Variants in SCARF2 observed in about 807,000 individuals in gnomAD.
SCARF2 encodes the protein scavenger receptor class F member 2, also known as scavenger receptor expressed by endothelial cells 2 protein.
SCARF2 carries 39 observed loss-of-function variants against 73.4 expected under a neutral mutation model. That is an observed-to-expected ratio of 0.53 (90% CI 0.41 to 0.69). SCARF2 has a LOEUF of 0.69. Ranked by LOEUF, SCARF2 falls within the 30% of genes least tolerant of loss-of-function variation. The pLI, the probability that SCARF2 is intolerant of heterozygous loss-of-function variation, is 0.00. For missense variants in SCARF2, 1,148 were observed against 1,303.5 expected (o/e 0.88, Z 1.84); for synonymous variants, 605 against 590.0 (o/e 1.03, Z -0.37).
At chr22:20,436,669 G>A (rs965113222) in intron 1 of SCARF2, among the ~76,000 whole-genome samples, 2 of 152,142 alleles carry the variant, frequency 1.3e-5, no homozygotes, top group African/African-American at 4.8e-5. Flanking sequence ...CCGCCTCTGC[G>A]GCTGCCAGCC....
At chr22:20,434,262 C>T (rs937762543) in intron 1 of SCARF2, among the ~76,000 whole-genome samples, 15 of 152,214 alleles carry the variant, frequency 9.9e-5, no homozygotes, top group Middle Eastern at 6.8e-3. Context: ...CCACTGCTCT[C>T]CAGCCTGGGC....
Position 20,431,069 on chromosome 22 carries a change from T to G in SCARF2, c.803A>C (p.Tyr268Ser). The G allele has an allele frequency of 6.4e-7, 1 of 1,552,954 alleles. No homozygotes were observed. Among genetic ancestry groups the G allele is most frequent in the Non-Finnish European group, 8.6e-7 (1 of 1,156,864 alleles). Reference protein sequence around the residue: ...CACEPGYRGKYCREPCPAGFY... With the variant: ...CACEPGYRGKSCREPCPAGFY... ...GCCGGCGGGGCACGGCTCGCGACAG[T>G]ACTTGCCGCGGTAGCCCGGCTCGCA... The change falls in exon 4 of 11, where the codon TAC (tyrosine) becomes TCC (serine). Residue 268 changes from tyrosine (Y) to serine (S), a missense_variant. Physicochemically the swap from Tyr to Ser is moderately radical, Grantham distance 144. Transcript: ENST00000622235.
At position 20,430,536 on chromosome 22, in the gene SCARF2, A is replaced by G. The variant is rs755344052; in HGVS notation, c.1095T>C (p.Asn365=). 3.7e-6 allele frequency: 6 copies of G among 1,610,862 alleles called. No individual in the cohort carries two copies. The Admixed American group carries it at 6.7e-5, about 18-fold the overall frequency. Residue 365 remains asparagine (N), a synonymous_variant, in exon 6 of 11, where the codon AAT becomes AAC. Coordinates refer to ENST00000622235, the MANE Select transcript of SCARF2 (RefSeq NM_182895.5). ...IGDRCETKCS[N]GTYGEDCAFV... Reference sequence around the variant, plus strand: ...AGGCGCAGTCCTCGCCGTAAGTGCCATTGCTACACTTGGTCTCGCACCTTG... The same window carrying G: ...AGGCGCAGTCCTCGCCGTAAGTGCCGTTGCTACACTTGGTCTCGCACCTTG...
rs560269419 is a variant in SCARF2 at position 20,434,044 on chromosome 22, G to A, written c.174-2056C>T. ...TTGATGTCTGGGTTTGCCACTTGCT[G>A]TGTGACCTCAGGCATGCAGCTTAAG... On this transcript the variant is annotated intron_variant, in intron 1 of 10. Transcript: ENST00000622235. Among the ~76,000 whole-genome samples, 3 of 152,372 alleles carry A rather than the reference G, an allele frequency of 2.0e-5. No homozygotes were observed. In the South Asian group the frequency reaches 6.2e-4, roughly 32 times the overall value.
chr22:20,429,550 C>T lies in SCARF2; in HGVS notation c.1410G>A (p.Lys470=), dbSNP rs1422273367. Residue 470 remains lysine (K), a synonymous_variant, in exon 8 of 11, where the codon AAG becomes AAA. Coordinates refer to ENST00000622235, the MANE Select transcript of SCARF2 (RefSeq NM_182895.5). The surrounding 1 kb of genome is among the most constrained non-coding windows in gnomAD (Gnocchi z 5.2). ...TCTGGGCTCACCGGCGCGTAGGGTC[C>T]TTGCCGCGGCAAGCGCAGCAGCAGC... ...LLGCCCACRG[K]DPTRRELSLG... is the part of the protein sequence containing the mutation. 1 of 1,612,994 alleles carries T rather than the reference C, an allele frequency of 6.2e-7. No individual in the cohort carries two copies. The highest frequency in any genetic ancestry group is 2.2e-5 in the East Asian group (1 of 44,870).
At chr22:20,430,946 C>T (rs769345313) in intron 4 of SCARF2, 38 bp from the exon 5 acceptor site, 1 of 1,563,068 alleles carries the variant, frequency 6.4e-7, no homozygotes, top group South Asian at 1.1e-5. Flanking sequence ...GGCTGGGACC[C>T]GCCTCACCCC....
chr22:20,425,438 C>T lies in SCARF2; in HGVS notation c.2538G>A (p.Pro846=), dbSNP rs758888141. 112 of 1,427,030 alleles carry T rather than the reference C, an allele frequency of 7.8e-5. No individual in the cohort carries two copies. The highest frequency in any genetic ancestry group is 2.7e-4 in the Admixed American group (11 of 41,148). 88.4% of individuals were successfully genotyped at this position (1,427,030 alleles called of 1,614,324 possible). The change falls in exon 11 of 11, where the codon CCG becomes CCA. Residue 846 remains proline (P), a synonymous_variant. Coordinates refer to ENST00000622235, the MANE Select transcript of SCARF2 (RefSeq NM_182895.5). This position sits in a 1 kb window ranked among gnomAD's most constrained non-coding sequence, Gnocchi z 4.6. ...CCGCCTCCCGGCTCTTCTTGCGCGG[C>T]GGCTTCTGGATGGGGGTCTTCTTCC... ...TPRKKTPIQK[P]PRKKSREAAG...
At position 20,429,140 on chromosome 22, in the gene SCARF2, G is replaced by A. The variant is rs765816473; in HGVS notation, c.1540+85C>T. ...TCAAGGTCCCCCATTTCCTCACTGA[G>A]ATCTGGACCCCCTCACACCCATTTC... On this transcript the variant is annotated intron_variant, in intron 9 of 10. Transcript: ENST00000622235. The surrounding 1 kb of genome is among the most constrained non-coding windows in gnomAD (Gnocchi z 5.2). 6.4e-7 allele frequency: 1 copy of A among 1,560,346 alleles called. No homozygotes were observed. The highest frequency in any genetic ancestry group is 8.8e-7 in the Non-Finnish European group (1 of 1,132,874).
chr22:20,425,544 G>T lies in SCARF2; in HGVS notation c.2432C>A (p.Ser811Ter). 1 of 1,341,510 alleles carries T rather than the reference G, an allele frequency of 7.5e-7. No homozygotes were observed. The highest frequency in any genetic ancestry group is 1.9e-5 in the South Asian group (1 of 53,408). The allele number at this position is 1,341,510 out of a possible 1,614,324, so 83.1% of individuals were successfully genotyped here. The change falls in exon 11 of 11, where the codon TCG becomes TAG. Residue 811 changes from serine (S) to a stop codon, truncating the protein, a stop_gained. Coordinates refer to ENST00000622235, the MANE Select transcript of SCARF2 (RefSeq NM_182895.5). LOFTEE classifies it high-confidence loss of function. The surrounding 1 kb of genome is among the most constrained non-coding windows in gnomAD (Gnocchi z 4.6). ...QKAKRSVPPA[S>*]PARAPPATET... ...GGTCGCTGGGGGCGCGCGGGCGGGC[G>T]AGGCTGGCGGCACGGAGCGCTTGGC... is the stretch of plus-strand genomic sequence containing the variant.
chr22:20,430,416 C>T lies in SCARF2; in HGVS notation c.1202+13G>A, dbSNP rs1344959127. On this transcript the variant is annotated intron_variant, in intron 6 of 10. Coordinates refer to ENST00000622235, the MANE Select transcript of SCARF2 (RefSeq NM_182895.5). ...ACAAGCCCCCAACCCCCTCCCGGTC[C>T]CGGGGCACTCACTGGGGCCCGTGGA... The T allele has an allele frequency of 1.3e-6, 2 of 1,584,548 alleles. No homozygotes were observed. The highest frequency in any genetic ancestry group is 3.5e-5 in the Admixed American group (2 of 56,720).
rs751985784 is a variant in SCARF2 at position 20,430,824 on chromosome 22, C to T, written c.939G>A (p.Lys313=). The change falls in exon 5 of 11, where the codon AAG becomes AAA. Residue 313 remains lysine (K), a synonymous_variant. Coordinates refer to ENST00000622235, the MANE Select transcript of SCARF2 (RefSeq NM_182895.5). ...AACCGGTGGCGCAAGGCTGGTCGCA[C>T]TTGGTTCCGTTCCAGCCGGGCTCGC... The part of the protein sequence containing the change: ...LTCEPGWNGT[K]CDQPCATGFY... 3 of 1,607,542 alleles carry T rather than the reference C, an allele frequency of 1.9e-6. No individual in the cohort carries two copies. The South Asian group carries it at 3.3e-5, about 18-fold the overall frequency.
intron 1 of SCARF2, 128 bp from the exon 2 acceptor site, chr22:20,432,116 T>A: frequency 1.1e-6 from 1 of 951,962 alleles, no homozygotes; most frequent in Non-Finnish European, 1.6e-6. Context: ...GGGGGGTGGT[T>A]AATGAGGTCC....
intron 1 of SCARF2, 38 bp from the exon 2 acceptor site, chr22:20,432,026 TC>T (rs979855483): frequency 3.8e-6 from 6 of 1,580,930 alleles, no homozygotes; most frequent in African/African-American, 2.7e-5. Context: ...CCGATGCCCC[TC>T]CCCCAGCCCC....
At chr22:20,431,576 C>G (rs992591238) in intron 3 of SCARF2, 39 bp from the exon 4 acceptor site, 11 of 1,549,808 alleles carry the variant, frequency 7.1e-6, no homozygotes, top group Non-Finnish European at 8.7e-6. Flanking sequence ...GGCCCCGGTG[C>G]TTGAGTAGGT....
In SCARF2 at chr22:20,429,717, C is replaced by T; in HGVS notation, c.1306+13G>A. ...CCCTGCATTCCTTAACGGGACGCCCCTCATCCACTTACCTAGGTGGCAGGC... is the reference window on the plus strand; with the variant it reads ...CCCTGCATTCCTTAACGGGACGCCCTTCATCCACTTACCTAGGTGGCAGGC... On this transcript the variant is annotated intron_variant, in intron 7 of 10. Coordinates refer to ENST00000622235, the MANE Select transcript of SCARF2 (RefSeq NM_182895.5). The surrounding 1 kb of genome is among the most constrained non-coding windows in gnomAD (Gnocchi z 5.2). 8 of 1,613,970 alleles carry T rather than the reference C, an allele frequency of 5.0e-6. No individual in the cohort carries two copies. Among genetic ancestry groups the T allele is most frequent in the Non-Finnish European group, 6.8e-6 (8 of 1,179,944 alleles).
In SCARF2 at chr22:20,431,973, C is replaced by G. The variant is rs1393140700; in HGVS notation, c.189G>C (p.Thr63=). ...CTTGCTGCCTCCAGCCAGCGCAGCA[C>G]GTGGGCACCTGGGAGCTGCGAGCAG... ...VCRAPGSQVP[T]CCAGWRQQGD... Residue 63 remains threonine, a synonymous_variant, in exon 2 of 11, where the codon ACG becomes ACC. Transcript: ENST00000622235. 8 of 1,611,292 alleles carry G rather than the reference C, an allele frequency of 5.0e-6. No individual in the cohort carries two copies. Among genetic ancestry groups the G allele is most frequent in the Non-Finnish European group, 6.8e-6 (8 of 1,179,582 alleles).
In SCARF2 at chr22:20,425,704, C is replaced by G. The variant is rs1188856649; in HGVS notation, c.2272G>C (p.Gly758Arg). Residue 758 changes from glycine to arginine, a missense_variant, in exon 11 of 11, where the codon GGT becomes CGT. Gly to Arg is a moderately radical substitution (Grantham distance 125). Transcript: ENST00000622235. The surrounding 1 kb of genome is among the most constrained non-coding windows in gnomAD (Gnocchi z 4.6). ...PGLLEPTDAG[G>R]PPRSAPEAAS... The stretch of plus-strand genomic sequence containing the variant: ...GCCTCGGGCGCGCTTCGCGGGGGAC[C>G]GCCGGCGTCCGTGGGCTCCAAGAGG... The G allele has an allele frequency of 4.1e-6, 5 of 1,228,412 alleles. No homozygotes were observed. In the African/African-American group the frequency reaches 4.7e-5, roughly 12 times the overall value. The allele number at this position is 1,228,412 out of a possible 1,614,324, so 76.1% of individuals were successfully genotyped here.
At position 20,437,675 on chromosome 22, in the gene SCARF2, G is replaced by T; in HGVS notation, c.80C>A (p.Ser27Ter). Residue 27 changes from serine (S) to a stop codon, truncating the protein, a stop_gained, in exon 1 of 11, where the codon TCG (serine) becomes TAG (stop). Transcript: ENST00000622235. LOFTEE classifies it high-confidence loss of function. Reference sequence around the variant, plus strand: ...CCAGAGCAGCAGCAGCAGCAGCAGCGACGGCAGCAGCGGTGACGGCGGCCC... The same window carrying T: ...CCAGAGCAGCAGCAGCAGCAGCAGCTACGGCAGCAGCGGTGACGGCGGCCC... ...AGGPPSPLLP[S>*]LLLLLLLWML... is the part of the protein sequence containing the mutation. The T allele has an allele frequency of 6.6e-7, 1 of 1,504,182 alleles. No homozygotes were observed. Among genetic ancestry groups the T allele is most frequent in the Non-Finnish European group, 8.8e-7 (1 of 1,132,984 alleles). The allele number at this position is 1,504,182 out of a possible 1,614,324, so 93.2% of individuals were successfully genotyped here.
chr22:20,437,729 G>C lies in SCARF2; in HGVS notation c.26C>G (p.Ala9Gly). The change falls in exon 1 of 11, where the codon GCC becomes GGC. Residue 9 changes from alanine to glycine, a missense_variant. Around this residue, in one of 5 missense-constraint regions of SCARF2, gnomAD observed 124 missense variants for 120.4 expected, o/e 1.03. Transcript: ENST00000622235. MEGAGPRGAGPARRRGAGG... is the reference protein window; with the variant it reads MEGAGPRGGGPARRRGAGG... ...GGCTCCCCGGCGCCGCGCCGGCCCG[G>C]CCCCCCGGGGCCCTGCGCCCTCCAT... The C allele has an allele frequency of 1.6e-6, 2 of 1,248,470 alleles. No homozygotes were observed. Among genetic ancestry groups the C allele is most frequent in the African/African-American group, 3.2e-5 (2 of 62,122 alleles). The allele number at this position is 1,248,470 out of a possible 1,614,324, so 77.3% of individuals were successfully genotyped here.
Sources: gnomAD v4.1 joint callset for allele counts (sites outside exome capture counted in the v4.1 genomes callset) on GRCh38, gnomAD v4.1.1 for gene constraint, gnomAD v4.1.1 regional missense constraint, Gnocchi (gnomAD v3.1) non-coding constraint, MANE v1.5 for transcripts, NCBI Gene and HGNC (gene_info 2026-07-23, HGNC 2026-07-21) for gene names.